CUEDC1: variants seen among roughly 807,000 people sequenced by gnomAD.
CUEDC1 encodes CUE domain containing 1.
In CUEDC1, 30 loss-of-function variants were observed where a neutral mutation model predicts 43.7. That is an observed-to-expected ratio of 0.69 (90% CI 0.51 to 0.93). The LOEUF is 0.93. Ranked by LOEUF, CUEDC1 falls within the 40% of genes least tolerant of loss-of-function variation. The pLI, the probability that CUEDC1 is intolerant of heterozygous loss-of-function variation, is 0.00. For synonymous variants in CUEDC1, 223 were observed against 223.6 expected (o/e 1.00, Z 0.02); for missense variants, 486 against 549.0 (o/e 0.89, Z 1.15).
In CUEDC1 at chr17:57,901,903, G is replaced by T. The variant is rs1193906604; in HGVS notation, c.-315-16024C>A. On this transcript the variant is annotated intron_variant, in intron 1 of 10. Coordinates refer to ENST00000577830, the MANE Select transcript of CUEDC1 (RefSeq NM_001271875.2). ...AAATATGATGCACTGGCCGGGCATG[G>T]TGGCTCACACCTGTAATCCCAGCAC... 3.3e-5 allele frequency among the ~76,000 whole-genome samples: 5 copies of T among 152,214 alleles called. No homozygotes were observed. The East Asian group carries it at 9.6e-4, about 29-fold the overall frequency.
chr17:57,868,848 C>T (rs976595403), intron 7 of CUEDC1, among the ~76,000 whole-genome samples: 8 of 152,212 alleles, frequency 5.3e-5, no homozygotes, highest in East Asian at 1.9e-4. Flanking sequence ...CCACAGAGAA[C>T]GTGAACATGA....
intron 2 of CUEDC1, among the ~76,000 whole-genome samples, chr17:57,882,299 AGGTGGGGGGTT>A (rs898378453): frequency 6.0e-4 from 81 of 133,908 alleles, no homozygotes; most frequent in African/African-American, 2.1e-3. Flanking sequence ...AGAGTTCCAA[AGGTGGGGGGTT>A]GGGGAGACTG....
At chr17:57,891,222 G>A (rs1490860251) in intron 1 of CUEDC1, among the ~76,000 whole-genome samples, 6 of 152,094 alleles carry the variant, frequency 3.9e-5, no homozygotes, top group African/African-American at 1.4e-4. Context: ...CAACAACATG[G>A]ATCCATCCGA....
At chr17:57,949,525 A>C (rs1464825622) in intron 1 of CUEDC1, among the ~76,000 whole-genome samples, 25 of 59,252 alleles carry the variant, frequency 4.2e-4, no homozygotes, top group South Asian at 1.3e-3. Flanking sequence ...CTCCCCCACC[A>C]CGACCACCCC....
chr17:57,928,791 C>T (rs9897604), intron 1 of CUEDC1, among the ~76,000 whole-genome samples: 14,758 of 128,008 alleles, frequency 0.12, 1,529 homozygotes, highest in African/African-American at 0.29. Flanking sequence ...AGACAGTATC[C>T]AGGATATAAA....
intron 1 of CUEDC1, among the ~76,000 whole-genome samples, chr17:57,940,436 ATG>A (rs1448768425): frequency 1.3e-5 from 2 of 152,106 alleles, no homozygotes; most frequent in Non-Finnish European, 2.9e-5. Context: ...GCTCTGGACA[ATG>A]TGAATGGAAG....
intron 1 of CUEDC1, among the ~76,000 whole-genome samples, chr17:57,942,686 G>C (rs2143213792): frequency 6.6e-6 from 1 of 151,848 alleles, no homozygotes; most frequent in East Asian, 2.0e-4. Context: ...ACCACACCCG[G>C]CCAAATTGTC....
At chr17:57,936,007 G>A (rs1267852852) in intron 1 of CUEDC1, among the ~76,000 whole-genome samples, 1 of 152,174 alleles carries the variant, frequency 6.6e-6, no homozygotes, top group South Asian at 2.1e-4. Context: ...TGACCCACCC[G>A]CTGCTAATGA....
chr17:57,865,008 G>C (rs1410705486), intron 10 of CUEDC1, among the ~76,000 whole-genome samples: 1 of 152,232 alleles, frequency 6.6e-6, no homozygotes, highest in African/African-American at 2.4e-5. Flanking sequence ...AATGAGCCAA[G>C]ATTGTGCCAC....
intron 1 of CUEDC1, among the ~76,000 whole-genome samples, chr17:57,905,368 C>T (rs552931332): frequency 7.2e-5 from 11 of 152,078 alleles, no homozygotes; most frequent in South Asian, 2.1e-4. Flanking sequence ...CCTGGCTGCG[C>T]GCTGCCTGCG....
chr17:57,871,395 C>A, intron 5 of CUEDC1, 26 bp from the exon 6 acceptor site: 1 of 1,605,026 alleles, frequency 6.2e-7, no homozygotes, highest in Non-Finnish European at 8.5e-7. Context: ...ATTCACAGGT[C>A]AGGGAGGTTA....
At chr17:57,917,055 G>A (rs901358674) in intron 1 of CUEDC1, among the ~76,000 whole-genome samples, 4 of 152,198 alleles carry the variant, frequency 2.6e-5, no homozygotes, top group Non-Finnish European at 4.4e-5. Flanking sequence ...CAGGCTAAGC[G>A]CCTGAGGCCC....
At chr17:57,879,482 G>A in intron 3 of CUEDC1, 129 bp downstream of exon 3, 1 of 1,234,802 alleles carries the variant, frequency 8.1e-7, no homozygotes, top group Non-Finnish European at 1.1e-6. Flanking sequence ...AATGTCTCTT[G>A]CTGCAGTAGA....
intron 1 of CUEDC1, among the ~76,000 whole-genome samples, chr17:57,899,345 G>A (rs1052438491): frequency 3.9e-5 from 6 of 152,164 alleles, no homozygotes; most frequent in East Asian, 1.9e-4. Context: ...AGTCAGGGGC[G>A]CCCAGAGCCC....
At chr17:57,950,618 G>A (rs1007865582) in intron 1 of CUEDC1, among the ~76,000 whole-genome samples, 21 of 151,774 alleles carry the variant, frequency 1.4e-4, no homozygotes, top group African/African-American at 4.6e-4. Flanking sequence ...GATTACAGGC[G>A]CCCACCACCA....
At chr17:57,912,853 T>A (rs1473650115) in intron 1 of CUEDC1, among the ~76,000 whole-genome samples, 1 of 152,080 alleles carries the variant, frequency 6.6e-6, no homozygotes, top group Non-Finnish European at 1.5e-5. Flanking sequence ...TCTTTCTTTT[T>A]TCAGAGACAG....
chr17:57,866,434 C>G, intron 10 of CUEDC1, 40 bp downstream of exon 10: 1 of 1,599,410 alleles, frequency 6.3e-7, no homozygotes, highest in East Asian at 2.2e-5. Flanking sequence ...GGGGCCCTGG[C>G]CTTGGGCAGT....
rs1419269920 is a variant in CUEDC1, at chr17:57,872,753, C to T, written c.694G>A (p.Glu232Lys). Residue 232 changes from glutamate (E) to lysine (K), a missense_variant, in exon 5 of 11, where the codon GAG becomes AAG. Glu to Lys is a moderately conservative substitution (Grantham distance 56). Coordinates refer to ENST00000577830, the MANE Select transcript of CUEDC1 (RefSeq NM_001271875.2). ...DQESRWKQYL[E>K]DERIALFLQN... The stretch of plus-strand genomic sequence containing the variant: ...AGGAAAAGCGCGATCCTCTCGTCCT[C>T]CAGGTACTGCTTCCAGCGGCTCTCC... 3 of 1,614,224 alleles carry T rather than the reference C, an allele frequency of 1.9e-6. No individual in the cohort carries two copies. The highest frequency in any genetic ancestry group is 2.5e-6 in the Non-Finnish European group (3 of 1,180,044).
chr17:57,950,269 G>C (rs572591978), intron 1 of CUEDC1, among the ~76,000 whole-genome samples: 31 of 151,884 alleles, frequency 2.0e-4, no homozygotes, highest in African/African-American at 7.5e-4. Flanking sequence ...TCCTGCCTCA[G>C]CTTCCCAAGT....
Sources: gnomAD v4.1 joint callset for allele counts (sites outside exome capture counted in the v4.1 genomes callset) on GRCh38, gnomAD v4.1.1 for gene constraint, MANE v1.5 for transcripts, NCBI Gene and HGNC (gene_info 2026-07-23, HGNC 2026-07-21) for gene names.